ZNF536: variants seen among roughly 807,000 people sequenced by gnomAD.
The protein encoded by ZNF536 is zinc finger protein 536.
ZNF536 carries 13 observed loss-of-function variants against 84.5 expected under a neutral mutation model. The observed-to-expected ratio is 0.15, with a 90% CI of 0.10 to 0.24. The LOEUF (loss-of-function observed/expected upper bound fraction) is 0.24, where lower values mean the gene tolerates loss of function less well. Among genes scored for constraint, ZNF536 ranks in the 10% least tolerant of loss-of-function variants. The pLI is 1.00. For synonymous variants in ZNF536, 811 were observed against 742.5 expected, an observed-to-expected ratio of 1.09 and a Z score of -1.50; for missense variants, 1,536 against 1,747.5, an observed-to-expected ratio of 0.88 and a Z score of 2.16.
chr19:30,662,435 G>C (rs2050153091), intron 1 of ZNF536, among the ~76,000 whole-genome samples: 1 of 152,156 alleles, frequency 6.6e-6, no homozygotes, highest in African/African-American at 2.4e-5. Context: ...GTATTATGTT[G>C]CTCCCATAAA....
intron 2 of ZNF536, among the ~76,000 whole-genome samples, chr19:30,496,240 G>T (rs370017856): frequency 1.3e-5 from 2 of 152,194 alleles, no homozygotes; most frequent in South Asian, 2.1e-4. Context: ...CAAACTTTCT[G>T]TTCTGTCTCT....
intron 1 of ZNF536, among the ~76,000 whole-genome samples, chr19:30,383,733 TTCTTTC>T (rs2049142968): frequency 4.7e-5 from 1 of 21,188 alleles, no homozygotes; most frequent in Non-Finnish European, 9.4e-5. Flanking sequence ...CTTTCTTTCT[TTCTTTC>T]TTTCTCTTTC....
intron 1 of ZNF536, among the ~76,000 whole-genome samples, chr19:30,590,378 G>A (rs2047234532): frequency 6.6e-6 from 1 of 152,154 alleles, no homozygotes; most frequent in Non-Finnish European, 1.5e-5. Flanking sequence ...TAGGGCACTT[G>A]GGCCCTGGTG....
chr19:30,329,332 A>G (rs1020988695), intron 2 of ZNF536, among the ~76,000 whole-genome samples: 1 of 151,806 alleles, frequency 6.6e-6, no homozygotes, highest in African/African-American at 2.4e-5. Flanking sequence ...AACACACATA[A>G]TCCTAGGTCA....
At chr19:30,493,024 T>A (rs999608797) in intron 2 of ZNF536, among the ~76,000 whole-genome samples, 1 of 151,544 alleles carries the variant, frequency 6.6e-6, no homozygotes, top group Non-Finnish European at 1.5e-5. Flanking sequence ...GCATTTTGAG[T>A]CTGCAGTATT....
intron 2 of ZNF536, among the ~76,000 whole-genome samples, chr19:30,310,567 C>T (rs925922009): frequency 2.0e-5 from 3 of 152,120 alleles, no homozygotes; most frequent in African/African-American, 4.8e-5. Context: ...ATATTAGCAG[C>T]GGCAGGAATT....
At chr19:30,256,816 T>C (rs1038356277) in intron 1 of ZNF536, among the ~76,000 whole-genome samples, 2 of 152,222 alleles carry the variant, frequency 1.3e-5, no homozygotes, top group Non-Finnish European at 2.9e-5. Context: ...TTTTTATTCA[T>C]GTTGAAAAAT....
At position 30,557,141 on chromosome 19, in the gene ZNF536, G is replaced by T; in HGVS notation, c.3896-16G>T. 6.2e-7 allele frequency: 1 copy of T among 1,613,330 alleles called. No individual in the cohort carries two copies. Among genetic ancestry groups the T allele is most frequent in the Non-Finnish European group, 8.5e-7 (1 of 1,179,654 alleles). On this transcript the variant is annotated splice_polypyrimidine_tract_variant and intron_variant, in intron 4 of 4. Coordinates refer to ENST00000355537, the MANE Select transcript of ZNF536 (RefSeq NM_014717.3). ...GGTTTCTGGATTATTTAATAAATCTGCACATTTTCTTGCAGGTAAGTGACA... is the reference window on the plus strand; with the variant it reads ...GGTTTCTGGATTATTTAATAAATCTTCACATTTTCTTGCAGGTAAGTGACA...
Position 30,679,369 on chromosome 19 carries a change from C to T in ZNF536, c.170-31388C>T, listed in dbSNP as rs1362055071. ...GCCGGGAAGGAAGGGAAAGGAGACGCGGCAGCTGAGTCTTTCTTGGCTGCA... is the reference window on the plus strand; with the variant it reads ...GCCGGGAAGGAAGGGAAAGGAGACGTGGCAGCTGAGTCTTTCTTGGCTGCA... On this transcript the variant is annotated intron_variant, in intron 1 of 1. Coordinates refer to the ZNF536 transcript ENST00000592773. Among the ~76,000 whole-genome samples, 10 of 152,224 alleles carry T rather than the reference C, an allele frequency of 6.6e-5. No homozygotes were observed. In the East Asian group the frequency reaches 1.3e-3, roughly 21 times the overall value.
intron 2 of ZNF536, among the ~76,000 whole-genome samples, chr19:30,292,326 T>G (rs982461028): frequency 6.6e-5 from 10 of 152,106 alleles, no homozygotes; most frequent in African/African-American, 2.4e-4. Flanking sequence ...AACTGTTTTT[T>G]TTTTTTCTCT....
intron 2 of ZNF536, among the ~76,000 whole-genome samples, chr19:30,485,451 C>T (rs561425445): frequency 5.3e-4 from 80 of 152,322 alleles, no homozygotes; most frequent in African/African-American, 1.8e-3. Context: ...TAGCTAGCAA[C>T]TCCCAGCCCA....
chr19:30,447,729 T>C (rs1035621350), intron 2 of ZNF536, among the ~76,000 whole-genome samples: 1 of 152,200 alleles, frequency 6.6e-6, no homozygotes, highest in African/African-American at 2.4e-5. Context: ...TGAGGTCTGC[T>C]CTTCTGGCAT....
chr19:30,367,073 G>A (rs1456251521), intron 3 of ZNF536, among the ~76,000 whole-genome samples: 1 of 152,220 alleles, frequency 6.6e-6, no homozygotes, highest in East Asian at 1.9e-4. Flanking sequence ...CACTTATTTG[G>A]TTTCAACTTC....
chr19:30,345,212 C>T (rs2047701340), intron 2 of ZNF536, among the ~76,000 whole-genome samples: 1 of 148,880 alleles, frequency 6.7e-6, no homozygotes, highest in African/African-American at 2.5e-5. Flanking sequence ...GGTCCACAGT[C>T]AGTAGTGGGG....
intron 1 of ZNF536, among the ~76,000 whole-genome samples, chr19:30,666,611 G>C (rs1600203383): frequency 6.6e-6 from 1 of 152,114 alleles, no homozygotes; most frequent in East Asian, 1.9e-4. Flanking sequence ...CCGGGCTCTG[G>C]GGGTAGCAGA....
chr19:30,537,474 A>G (rs766387841), intron 3 of ZNF536, among the ~76,000 whole-genome samples: 6 of 152,190 alleles, frequency 3.9e-5, no homozygotes, highest in Non-Finnish European at 8.8e-5. Context: ...GCCAGGTGGT[A>G]ACTCTCCATG....
chr19:30,563,796 C>T (rs1049586948), intron 1 of ZNF536, among the ~76,000 whole-genome samples: 4 of 152,134 alleles, frequency 2.6e-5, no homozygotes, highest in African/African-American at 4.8e-5. Flanking sequence ...AGGTGCTGGG[C>T]GTGACGGATG....
intron 1 of ZNF536, among the ~76,000 whole-genome samples, chr19:30,699,034 T>A (rs2051782752): frequency 6.6e-6 from 1 of 152,270 alleles, no homozygotes; most frequent in African/African-American, 2.4e-5. Context: ...CAAATGGTTC[T>A]ACCTTTGGGT....
intron 1 of ZNF536, among the ~76,000 whole-genome samples, chr19:30,435,817 T>A (rs1481990041): frequency 6.6e-6 from 1 of 152,126 alleles, no homozygotes; most frequent in Non-Finnish European, 1.5e-5. Flanking sequence ...TTGTTGCCAT[T>A]TTTCTTTTCC....
Sources: gnomAD v4.1 joint callset for allele counts (sites outside exome capture counted in the v4.1 genomes callset) on GRCh38, gnomAD v4.1.1 for gene constraint, MANE v1.5 for transcripts, NCBI Gene and HGNC (gene_info 2026-07-23, HGNC 2026-07-21) for gene names.